SHROOM2: variants seen among roughly 807,000 people sequenced by gnomAD.
SHROOM2 encodes shroom family member 2.
SHROOM2 carries 33 observed loss-of-function variants against 75.9 expected under a neutral mutation model. That is an observed-to-expected ratio of 0.43 (90% confidence interval 0.33 to 0.58). The LOEUF (loss-of-function observed/expected upper bound fraction) is 0.58, where lower values mean the gene tolerates loss of function less well. Ranked by LOEUF, SHROOM2 falls within the 20% of genes least tolerant of loss-of-function variation. The pLI, the probability that SHROOM2 is intolerant of heterozygous loss-of-function variation, is 0.04. For missense variants in SHROOM2, 1,434 were observed against 1,461.2 expected, an observed-to-expected ratio of 0.98 and a Z score of 0.30; for synonymous variants, 655 against 663.6, an observed-to-expected ratio of 0.99 and a Z score of 0.20.
intron 1 of SHROOM2, among the ~76,000 whole-genome samples, chrX:9,787,612 T>G (rs1173532340): frequency 8.9e-6 from 1 of 112,560 alleles, no homozygotes; most frequent in Non-Finnish European, 1.9e-5. Context: ...TTTTCTCGGC[T>G]TTCCTGCCTC....
chrX:9,872,335 C>T (rs972126345), intron 1 of SHROOM2, among the ~76,000 whole-genome samples: 5 of 112,861 alleles, frequency 4.4e-5, no homozygotes, highest in Non-Finnish European at 9.4e-5. Context: ...GAGGCCGAGG[C>T]GGGTGGATCA....
At chrX:9,898,949 A>G (rs1362725596) in intron 5 of SHROOM2, among the ~76,000 whole-genome samples, 1 of 111,209 alleles carries the variant, frequency 9.0e-6, no homozygotes, top group Non-Finnish European at 1.9e-5. Context: ...GATTAAATAC[A>G]TAGTATAATC....
chrX:9,792,003 ATAG>A (rs2083653518), intron 1 of SHROOM2, among the ~76,000 whole-genome samples: 106 of 319 alleles, frequency 0.33, 8 homozygotes, highest in African/African-American at 0.45. Context: ...ATAGAATAGA[ATAG>A]AATAGAATAG....
At chrX:9,798,411 G>A (rs992040530) in intron 1 of SHROOM2, among the ~76,000 whole-genome samples, 4 of 111,295 alleles carry the variant, frequency 3.6e-5, no homozygotes, top group Non-Finnish European at 7.5e-5. Flanking sequence ...CTTTTTTCTT[G>A]TTGCACAATT....
intron 6 of SHROOM2, among the ~76,000 whole-genome samples, chrX:9,935,066 C>T (rs965064100): frequency 1.8e-5 from 2 of 111,444 alleles, no homozygotes; most frequent in African/African-American, 3.3e-5. Flanking sequence ...AGCCACTGGG[C>T]CCAGCCTCTT....
At chrX:9,913,244 C>A (rs889117780) in intron 5 of SHROOM2, 1 of 112,281 alleles carries the variant, frequency 8.9e-6, no homozygotes, top group Admixed American at 9.4e-5. Flanking sequence ...CAGCTACATC[C>A]TCAAGAAAAA....
intron 6 of SHROOM2, among the ~76,000 whole-genome samples, chrX:9,934,221 C>T (rs1174638543): frequency 8.9e-6 from 1 of 112,068 alleles, no homozygotes; most frequent in Non-Finnish European, 1.9e-5. Context: ...CCAGGTGTGG[C>T]GGGTGGCTGC....
chrX:9,897,860 G>C (rs2084342780), intron 4 of SHROOM2, among the ~76,000 whole-genome samples: 1 of 112,032 alleles, frequency 8.9e-6, no homozygotes, highest in African/African-American at 3.2e-5. Context: ...CATGACCTCT[G>C]AGAATTCCAT....
At chrX:9,915,510 G>A (rs1479342346) in intron 5 of SHROOM2, among the ~76,000 whole-genome samples, 3 of 111,838 alleles carry the variant, frequency 2.7e-5, no homozygotes, top group East Asian at 5.6e-4. Flanking sequence ...GCCTCATAAA[G>A]CCACTCACTG....
chrX:9,812,445 T>C (rs2083796862), intron 1 of SHROOM2, among the ~76,000 whole-genome samples: 1 of 112,201 alleles, frequency 8.9e-6, no homozygotes. Flanking sequence ...CCACTAAGCG[T>C]TGTTGTGCCT....
chrX:9,905,834 T>A lies in SHROOM2; in HGVS notation c.2891+7544T>A, dbSNP rs1051662404. On this transcript the variant is annotated intron_variant, in intron 5 of 9. Transcript: ENST00000380913. ...AGTAAGTTCAGGACTCCCCTGTAAA[T>A]GATGTGCTCCCCATGGATGAGGGAC... is the stretch of plus-strand genomic sequence containing the variant. 3.6e-5 allele frequency among the ~76,000 whole-genome samples: 4 copies of A among 111,766 alleles called. 1 individual carries two copies. Among genetic ancestry groups the A allele is most frequent in the Non-Finnish European group, 7.5e-5 (4 of 53,191 alleles).
intron 1 of SHROOM2, among the ~76,000 whole-genome samples, chrX:9,789,782 TCTTAGAGTCCG>T (rs2083637262): frequency 8.9e-6 from 1 of 111,750 alleles, no homozygotes; most frequent in Admixed American, 9.5e-5. Context: ...GTTCACTATT[TCTTAGAGTCCG>T]CTCCCTCCCC....
chrX:9,946,962 G>A lies in SHROOM2; in HGVS notation c.*25G>A. ...AGAGACCAGTCCCCGGTGGAGGAGG[G>A]GCACGGGGCCTCCGAGCTCCAGCTC... On this transcript the variant is annotated 3_prime_UTR_variant, in exon 10 of 10. Coordinates refer to ENST00000380913, the MANE Select transcript of SHROOM2 (RefSeq NM_001649.4). The A allele has an allele frequency of 8.6e-7, 1 of 1,167,290 alleles. No homozygotes were observed.
chrX:9,811,001 G>C (rs1327009050), intron 1 of SHROOM2, among the ~76,000 whole-genome samples: 1 of 111,957 alleles, frequency 8.9e-6, no homozygotes, highest in Non-Finnish European at 1.9e-5. Flanking sequence ...CCATGATGGT[G>C]GATAAGGCAT....
chrX:9,888,790 T>C (rs188634120), intron 2 of SHROOM2, among the ~76,000 whole-genome samples: 1 of 112,017 alleles, frequency 8.9e-6, no homozygotes, highest in African/African-American at 3.2e-5. Flanking sequence ...CTAATATTCT[T>C]ATATGTGCTT....
At chrX:9,867,785 T>C (rs2084148634) in intron 1 of SHROOM2, among the ~76,000 whole-genome samples, 1 of 111,873 alleles carries the variant, frequency 8.9e-6, no homozygotes, top group Non-Finnish European at 1.9e-5. Context: ...ATGAAGACTT[T>C]TATCTCCCAA....
chrX:9,941,731 G>A (rs774741560), intron 8 of SHROOM2, among the ~76,000 whole-genome samples: 2 of 109,878 alleles, frequency 1.8e-5, no homozygotes, highest in South Asian at 3.9e-4. Context: ...CAGCACTTTC[G>A]GAGGCCGAGG....
chrX:9,946,049 T>G (rs1208788113), intron 9 of SHROOM2, among the ~76,000 whole-genome samples: 1 of 112,687 alleles, frequency 8.9e-6, no homozygotes, highest in Non-Finnish European at 1.9e-5. Flanking sequence ...CTCAGCCGAG[T>G]GCTTAGTAAC....
chrX:9,936,710 C>T (rs2084711454), intron 6 of SHROOM2, among the ~76,000 whole-genome samples: 1 of 112,094 alleles, frequency 8.9e-6, no homozygotes. Context: ...CTGCACCAAC[C>T]TAAGGACGGA....
Sources: gnomAD v4.1 joint callset for allele counts (sites outside exome capture counted in the v4.1 genomes callset) on GRCh38, gnomAD v4.1.1 for gene constraint, MANE v1.5 for transcripts, NCBI Gene and HGNC (gene_info 2026-07-23, HGNC 2026-07-21) for gene names.